NDUFAF6: variants seen among roughly 807,000 people sequenced by gnomAD.
The protein encoded by NDUFAF6 is NADH:ubiquinone oxidoreductase complex assembly factor 6.
NDUFAF6 carries 45 observed loss-of-function variants against 40.8 expected under a neutral mutation model. The ratio of observed to expected loss-of-function variants is 1.10; its 90% CI spans 0.87 to 1.42. The LOEUF is 1.42. Ranked by LOEUF, NDUFAF6 falls within the 40% of genes most tolerant of loss-of-function variation. The probability of loss-of-function intolerance (pLI) is 0.00; values close to 1 mark genes in which losing one functional copy is unlikely to be tolerated. For missense variants in NDUFAF6, 435 were observed against 418.5 expected (o/e 1.04, Z -0.34); for synonymous variants, 185 against 155.9 (o/e 1.19, Z -1.39).
At chr8:95,006,955 C>T (rs1415848267) in intron 2 of NDUFAF6, among the ~76,000 whole-genome samples, 1 of 150,674 alleles carries the variant, frequency 6.6e-6, no homozygotes, top group East Asian at 1.9e-4. Flanking sequence ...AGAGTAAGAC[C>T]GAAAGACTCC....
intron 2 of NDUFAF6, among the ~76,000 whole-genome samples, chr8:95,006,808 A>T (rs1034550403): frequency 6.6e-6 from 1 of 151,748 alleles, no homozygotes; most frequent in African/African-American, 2.4e-5. Flanking sequence ...TGAGCCCAGG[A>T]GGCGGAGGAG....
chr8:94,951,954 G>T (rs1488689138), intron 2 of NDUFAF6, among the ~76,000 whole-genome samples: 1 of 152,206 alleles, frequency 6.6e-6, no homozygotes, highest in African/African-American at 2.4e-5. Flanking sequence ...CAAAGACCCA[G>T]CCAGGTTCCC....
chr8:94,923,844 T>TC (rs1819669009), intron 1 of NDUFAF6, among the ~76,000 whole-genome samples: 1 of 57,598 alleles, frequency 1.7e-5, no homozygotes, highest in Non-Finnish European at 4.9e-5. Context: ...CACGCCCGAC[T>TC]AATTTTTTTT....
intron 1 of NDUFAF6, among the ~76,000 whole-genome samples, chr8:94,943,178 A>T (rs1027030544): frequency 1.2e-4 from 19 of 152,184 alleles, no homozygotes; most frequent in African/African-American, 3.9e-4. Context: ...TGACACAAAG[A>T]CAGTGATAAA....
At chr8:95,066,486 A>C (rs537598046) in intron 9 of NDUFAF6, among the ~76,000 whole-genome samples, 1 of 152,226 alleles carries the variant, frequency 6.6e-6, no homozygotes, top group African/African-American at 2.4e-5. Context: ...ATTAAAAATA[A>C]AAACTCTGAA....
intron 7 of NDUFAF6, 50 bp from the exon 8 acceptor site, chr8:95,052,124 G>A (rs1263898895): frequency 1.3e-6 from 2 of 1,559,636 alleles, no homozygotes; most frequent in East Asian, 2.2e-5. Context: ...CAGAGGGAGA[G>A]TGTTTATTTG....
chr8:95,101,454 G>T (rs373816689), intron 2 of NDUFAF6, among the ~76,000 whole-genome samples: 2 of 152,118 alleles, frequency 1.3e-5, no homozygotes, highest in Non-Finnish European at 2.9e-5. Context: ...GAGACAGGGC[G>T]CTCACAGCTG....
intron 2 of NDUFAF6, among the ~76,000 whole-genome samples, chr8:95,091,872 T>C (rs1241573023): frequency 6.7e-6 from 1 of 148,408 alleles, no homozygotes; most frequent in African/African-American, 2.5e-5. Flanking sequence ...ACTCTTGGTC[T>C]CAAGCGATAC....
chr8:94,996,208 G>A (rs1417256603), intron 2 of NDUFAF6, among the ~76,000 whole-genome samples: 1 of 152,158 alleles, frequency 6.6e-6, no homozygotes, highest in Non-Finnish European at 1.5e-5. Flanking sequence ...AGGGTCTCCT[G>A]ACATACACAA....
chr8:94,929,599 A>C (rs1002464887), intron 1 of NDUFAF6: 3 of 152,178 alleles, frequency 2.0e-5, no homozygotes, highest in Non-Finnish European at 4.4e-5. Flanking sequence ...AGAGAGAAAT[A>C]TGAAGTCACT....
chr8:95,043,857 A>C (rs1422532591), intron 4 of NDUFAF6, among the ~76,000 whole-genome samples: 1 of 152,216 alleles, frequency 6.6e-6, no homozygotes, highest in African/African-American at 2.4e-5. Context: ...TAAACATAGG[A>C]GTTATCATAG....
At chr8:94,919,262 GC>G (rs1357376090) in intron 1 of NDUFAF6, among the ~76,000 whole-genome samples, 2 of 152,050 alleles carry the variant, frequency 1.3e-5, no homozygotes, top group East Asian at 3.9e-4. Flanking sequence ...GCTCACTTCA[GC>G]CTTGATCTCG....
chr8:95,111,555 T>C (rs955210950), intron 4 of NDUFAF6, among the ~76,000 whole-genome samples: 2 of 152,196 alleles, frequency 1.3e-5, no homozygotes, highest in Non-Finnish European at 2.9e-5. Context: ...CTTGAGATGG[T>C]TCCAACATCT....
At chr8:95,036,395 C>G (rs1290017941) in intron 3 of NDUFAF6, 5 of 1,289,268 alleles carry the variant, frequency 3.9e-6, no homozygotes, top group South Asian at 1.2e-5. Flanking sequence ...AGAGGCAGGC[C>G]CAGTTTCTGG....
chr8:95,114,089 T>C (rs1222592541), intron 4 of NDUFAF6, among the ~76,000 whole-genome samples: 1 of 151,752 alleles, frequency 6.6e-6, no homozygotes, highest in African/African-American at 2.4e-5. Context: ...CACACCAGCA[T>C]GGCACATGTA....
chr8:94,946,131 G>T, intron 2 of NDUFAF6, among the ~76,000 whole-genome samples: 1 of 150,940 alleles, frequency 6.6e-6, no homozygotes, highest in Non-Finnish European at 1.5e-5. Flanking sequence ...CTACACATAA[G>T]GCTTCTTTTT....
intron 2 of NDUFAF6, among the ~76,000 whole-genome samples, chr8:94,989,580 A>G (rs546555850): frequency 6.6e-6 from 1 of 152,330 alleles, no homozygotes; most frequent in South Asian, 2.1e-4. Context: ...TCAATGGTCA[A>G]ACTAATGAAC....
At chr8:95,003,242 A>G (rs1053001071) in intron 2 of NDUFAF6, among the ~76,000 whole-genome samples, 1 of 152,236 alleles carries the variant, frequency 6.6e-6, no homozygotes, top group African/African-American at 2.4e-5. Context: ...GATGAGCAGA[A>G]GAGACTCTCT....
At chr8:95,001,153 G>C (rs895554556) in intron 2 of NDUFAF6, among the ~76,000 whole-genome samples, 1 of 151,784 alleles carries the variant, frequency 6.6e-6, no homozygotes, top group South Asian at 2.1e-4. Flanking sequence ...TTGAGGTCTC[G>C]CTATGTTGCC....
Sources: allele counts gnomAD v4.1 joint callset (sites outside exome capture counted in the v4.1 genomes callset), GRCh38; gene constraint gnomAD v4.1.1; transcripts MANE v1.5; gene names NCBI Gene and HGNC (gene_info 2026-07-23, HGNC 2026-07-21).